The following MZB1 variants were observed in gnomAD, a reference collection of about 807,000 sequenced individuals.
MZB1 encodes the protein marginal zone B- and B1-cell-specific protein.
Under a neutral mutation model 17.2 loss-of-function variants are expected in MZB1, and 10 were observed. The ratio of observed to expected loss-of-function variants is 0.58; its 90% CI spans 0.36 to 0.98. The LOEUF (loss-of-function observed/expected upper bound fraction) is 0.98, where lower values mean the gene tolerates loss of function less well. MZB1 is among the 50% of genes least tolerant of loss of function. MZB1 has a pLI of 0.01. For synonymous variants in MZB1, 99 were observed against 98.7 expected (o/e 1.00, Z -0.02); for missense variants, 246 against 237.5 (o/e 1.04, Z -0.23).
At chr5:139,388,744 C>G (rs984837814) in intron 1 of MZB1, 159 bp from the exon 2 acceptor site, 67 of 1,245,684 alleles carry the variant, frequency 5.4e-5, no homozygotes, top group Non-Finnish European at 6.8e-5. Context: ...CCTCCCCCAG[C>G]CCCCAAAGCT....
rs1758564752 is a variant in MZB1 at position 139,389,057 on chromosome 5, T to C, written c.178-472A>G. 3 of 211,066 alleles carry C rather than the reference T, an allele frequency of 1.4e-5. No homozygotes were observed. In the Admixed American group the frequency reaches 1.6e-4, roughly 12 times the overall value. 13.1% of individuals were successfully genotyped at this position (211,066 alleles called of 1,614,324 possible). On this transcript the variant is annotated intron_variant, in intron 1 of 3. Coordinates refer to ENST00000302125, the MANE Select transcript of MZB1 (RefSeq NM_016459.4). ...GGCTAAAATTTTGTATTTTCAGTAG[T>C]GACGGGGTTTCACCATGTTGGCCAG...
rs1013817904 is a variant in MZB1, at chr5:139,388,520, C to T, written c.243G>A (p.Glu81=). The part of the protein sequence containing the change: ...LHTSNSGGRR[E]LSELVYTDVL... ...CATCCGTGTAGACCAACTCGCTCAG[C>T]TCCCGCCGCCCCCCAGAGTTTGAGG... The change falls in exon 2 of 4, where the codon GAG becomes GAA. Residue 81 remains glutamate (E), a synonymous_variant. Coordinates refer to ENST00000302125, the MANE Select transcript of MZB1 (RefSeq NM_016459.4). The T allele has an allele frequency of 6.2e-7, 1 of 1,601,530 alleles. No individual in the cohort carries two copies. The highest frequency in any genetic ancestry group is 8.5e-7 in the Non-Finnish European group (1 of 1,174,076).
Position 139,388,561 on chromosome 5 carries a change from C to G in MZB1, c.202G>C (p.Glu68Gln), listed in dbSNP as rs760250954. 6.2e-7 allele frequency: 1 copy of G among 1,601,884 alleles called. No homozygotes were observed. The highest frequency in any genetic ancestry group is 8.5e-7 in the Non-Finnish European group (1 of 1,174,238). The part of the protein sequence containing the change: ...YQMWQNLAKA[E>Q]TKLHTSNSGG... The stretch of plus-strand genomic sequence containing the variant: ...GAGTTTGAGGTATGAAGTTTGGTCT[C>G]TGCCTTTGCCAGATTTTGCCACATC... The change falls in exon 2 of 4, where the codon GAG (glutamate) becomes CAG (glutamine). Residue 68 changes from glutamate to glutamine, a missense_variant. Coordinates refer to ENST00000302125, the MANE Select transcript of MZB1 (RefSeq NM_016459.4).
chr5:139,389,249 G>A lies in MZB1; in HGVS notation c.177+431C>T, dbSNP rs549063878. On this transcript the variant is annotated intron_variant, in intron 1 of 3. Coordinates refer to ENST00000302125, the MANE Select transcript of MZB1 (RefSeq NM_016459.4). ...TATTCAATCACACAAGTACTCCCAGGCCCCCACCTCACAGAGACACTGGCA... is the reference window on the plus strand; with the variant it reads ...TATTCAATCACACAAGTACTCCCAGACCCCCACCTCACAGAGACACTGGCA... The A allele has an allele frequency of 5.5e-4, 191 of 350,366 alleles. 3 individuals carry two copies. Among genetic ancestry groups the A allele is most frequent in the South Asian group, 4.0e-3 (183 of 45,930 alleles). 21.7% of individuals were successfully genotyped at this position (350,366 alleles called of 1,614,324 possible).
rs1044070973 is a variant in MZB1 at position 139,387,705 on chromosome 5, C to G, written c.*60G>C. On this transcript the variant is annotated 3_prime_UTR_variant, in exon 4 of 4. Coordinates refer to ENST00000302125, the MANE Select transcript of MZB1 (RefSeq NM_016459.4). ...TCCTGCCCTCCTGGCTGCCTGCAGA[C>G]GGGAGTGGAGACCGTCAGAGCAAGC... is the stretch of plus-strand genomic sequence containing the variant. 1 of 1,470,522 alleles carries G rather than the reference C, an allele frequency of 6.8e-7. No homozygotes were observed. The highest frequency in any genetic ancestry group is 1.4e-5 in the African/African-American group (1 of 69,712). 91.1% of individuals were successfully genotyped at this position (1,470,522 alleles called of 1,614,324 possible).
intron 1 of MZB1, chr5:139,389,084 C>G (rs1330723928): frequency 4.6e-6 from 1 of 217,110 alleles, no homozygotes; most frequent in Non-Finnish European, 9.5e-6. Flanking sequence ...GTTGGCCAGG[C>G]TGGTCTCGAA....
rs1184282314 is a variant in MZB1 at position 139,387,649 on chromosome 5, G to A, written c.*116C>T. On this transcript the variant is annotated 3_prime_UTR_variant, in exon 4 of 4. Coordinates refer to ENST00000302125, the MANE Select transcript of MZB1 (RefSeq NM_016459.4). ...CCCGAGTGCCCTGAGGCTGGAGGAG[G>A]GAGGCAGGATGGCAGCACAGAGCAA... 6 of 1,320,698 alleles carry A rather than the reference G, an allele frequency of 4.5e-6. No homozygotes were observed. The Admixed American group carries it at 8.4e-5, about 19-fold the overall frequency. 81.8% of individuals were successfully genotyped at this position (1,320,698 alleles called of 1,614,324 possible).
At chr5:139,388,201 A>G in intron 2 of MZB1, 70 bp from the exon 3 acceptor site, 1 of 1,390,074 alleles carries the variant, frequency 7.2e-7, no homozygotes, top group Non-Finnish European at 9.8e-7. Flanking sequence ...CCATCTCCAC[A>G]GCAAGCTGGA....
chr5:139,388,306 C>G (rs1205550873), intron 2 of MZB1, among the ~76,000 whole-genome samples, 155 bp downstream of exon 2: 1 of 152,206 alleles, frequency 6.6e-6, no homozygotes, highest in African/African-American at 2.4e-5. Flanking sequence ...CCCACTTGCT[C>G]TCAGCTCCAG....
At position 139,388,475 on chromosome 5, in the gene MZB1, G is replaced by C. The variant is rs780298347; in HGVS notation, c.288C>G (p.Ser96=). Residue 96 remains serine, a synonymous_variant, in exon 2 of 4, where the codon TCC becomes TCG. Transcript: ENST00000302125. ...VYTDVLDRSC[S]RNWQDYGVRE... ...TGGCAACTCACTCCTGCCAGTTCCGGGAGCAGCTCCGGTCCAGGACATCCG... is the reference window on the plus strand; with the variant it reads ...TGGCAACTCACTCCTGCCAGTTCCGCGAGCAGCTCCGGTCCAGGACATCCG... 6.2e-7 allele frequency: 1 copy of C among 1,604,732 alleles called. No homozygotes were observed. Among genetic ancestry groups the C allele is most frequent in the Admixed American group, 1.7e-5 (1 of 58,740 alleles).
At position 139,388,030 on chromosome 5, in the gene MZB1, C is replaced by T. The variant is rs1230983454; in HGVS notation, c.404G>A (p.Trp135Ter). Residue 135 changes from tryptophan (W) to a stop codon, truncating the protein, a stop_gained, in exon 3 of 4, where the codon TGG becomes TAG. Coordinates refer to ENST00000302125, the MANE Select transcript of MZB1 (RefSeq NM_016459.4). LOFTEE classifies it low-confidence loss of function (END_TRUNC). ...AAGCCCCGGGCATCACCTGGTAGGC[C>T]AGGGGCCCCCTGTGACCATCACGCT... ...SISVMVTGGP[W>*]PTRLSRTCLH... The T allele has an allele frequency of 1.3e-6, 2 of 1,558,476 alleles. No homozygotes were observed. The highest frequency in any genetic ancestry group is 1.7e-6 in the Non-Finnish European group (2 of 1,150,960).
intron 2 of MZB1, 47 bp from the exon 3 acceptor site, chr5:139,388,178 G>A: frequency 6.7e-7 from 1 of 1,502,292 alleles, no homozygotes; most frequent in Non-Finnish European, 9.0e-7. Context: ...CAGGAGCCCA[G>A]CCAGGGAGAG....
At chr5:139,388,664 G>A (rs1758555129) in intron 1 of MZB1, 79 bp from the exon 2 acceptor site, 16 of 1,548,408 alleles carry the variant, frequency 1.0e-5, no homozygotes, top group African/African-American at 1.4e-5. Context: ...TAGGAGCAGA[G>A]TCTCTGGGGA....
intron 1 of MZB1, 58 bp downstream of exon 1, chr5:139,389,622 G>A: frequency 1.3e-6 from 2 of 1,531,400 alleles, no homozygotes; most frequent in Non-Finnish European, 1.8e-6. Context: ...GGTGGGTGGA[G>A]GGGTCTGGCT....
chr5:139,388,533 CCA>C lies in MZB1; in HGVS notation c.228_229del (p.Gly78AlafsTer41), dbSNP rs1758552803. On this transcript the variant is annotated frameshift_variant, in exon 2 of 4. Coordinates refer to ENST00000302125, the MANE Select transcript of MZB1 (RefSeq NM_016459.4). LOFTEE classifies it high-confidence loss of function. ...CAACTCGCTCAGCTCCCGCCGCCCC[CCA>C]GAGTTTGAGGTATGAAGTTTGGTCT... is the stretch of plus-strand genomic sequence containing the variant. 2 of 1,600,944 alleles carry C rather than the reference CCA, an allele frequency of 1.2e-6. No homozygotes were observed. Among genetic ancestry groups the C allele is most frequent in the Non-Finnish European group, 1.7e-6 (2 of 1,173,800 alleles).
intron 1 of MZB1, 93 bp from the exon 2 acceptor site, chr5:139,388,678 T>A: frequency 6.6e-7 from 1 of 1,525,412 alleles, no homozygotes; most frequent in Non-Finnish European, 8.8e-7. Flanking sequence ...CTGGGGAAAA[T>A]AAAGTGGCAA....
rs1020705719 is a variant in MZB1, at chr5:139,388,071, C to A, written c.363G>T (p.Gly121=). 1 of 1,553,516 alleles carries A rather than the reference C, an allele frequency of 6.4e-7. No homozygotes were observed. The highest frequency in any genetic ancestry group is 2.0e-5 in the Admixed American group (1 of 51,156). The change falls in exon 3 of 4, where the codon GGG becomes GGT. Residue 121 remains glycine, a synonymous_variant. Transcript: ENST00000302125. ...KRLTGPGLSE[G]PEPSISVMVT... ...CCATCACGCTGATGCTTGGCTCTGG[C>A]CCCTCGCTAAGTCCTGGGCCTGTGA... is the stretch of plus-strand genomic sequence containing the variant.
rs769005533 is a variant in MZB1, at chr5:139,388,529, C to A, written c.234G>T (p.Gly78=). The part of the protein sequence containing the change: ...ETKLHTSNSG[G]RRELSELVYT... ...AGACCAACTCGCTCAGCTCCCGCCG[C>A]CCCCCAGAGTTTGAGGTATGAAGTT... is the stretch of plus-strand genomic sequence containing the variant. The change falls in exon 2 of 4, where the codon GGG becomes GGT. Residue 78 remains glycine, a synonymous_variant. Transcript: ENST00000302125. 2 of 1,600,550 alleles carry A rather than the reference C, an allele frequency of 1.2e-6. No homozygotes were observed. The highest frequency in any genetic ancestry group is 4.5e-5 in the East Asian group (2 of 44,440).
chr5:139,387,574 C>G lies in MZB1; in HGVS notation c.*191G>C, dbSNP rs1264847361. On this transcript the variant is annotated 3_prime_UTR_variant, in exon 4 of 4. Coordinates refer to ENST00000302125, the MANE Select transcript of MZB1 (RefSeq NM_016459.4). Reference sequence around the variant, plus strand: ...CTTTTGCAGAGAAAAGAAGTGAGGTCACTGGGTTTTATTTGAGTCCAGAGG... The same window carrying G: ...CTTTTGCAGAGAAAAGAAGTGAGGTGACTGGGTTTTATTTGAGTCCAGAGG... 2.1e-6 allele frequency: 1 copy of G among 484,606 alleles called. No homozygotes were observed. The highest frequency in any genetic ancestry group is 3.6e-5 in the East Asian group (1 of 27,730). 30.0% of individuals were successfully genotyped at this position (484,606 alleles called of 1,614,324 possible). A position where few individuals can be genotyped will look rare whatever the true frequency, so the allele number is the denominator to read the frequency against.
Sources: allele counts gnomAD v4.1 joint callset (sites outside exome capture counted in the v4.1 genomes callset), GRCh38; gene constraint gnomAD v4.1.1; transcripts MANE v1.5; gene names NCBI Gene and HGNC (gene_info 2026-07-23, HGNC 2026-07-21).